The following VWA3B variants were observed in gnomAD, a reference collection of about 807,000 sequenced individuals.
VWA3B encodes the protein von Willebrand factor A domain containing 3B.
A neutral mutation model predicts 158.3 loss-of-function variants in VWA3B; 138 were observed. The ratio of observed to expected loss-of-function variants is 0.87; its 90% confidence interval spans 0.76 to 1.00. The LOEUF (loss-of-function observed/expected upper bound fraction) is 1.00, where lower values mean the gene tolerates loss of function less well. Among genes scored for constraint, VWA3B ranks in the 50% least tolerant of loss-of-function variants. The probability of loss-of-function intolerance (pLI) is 0.00; values close to 1 mark genes in which losing one functional copy is unlikely to be tolerated. For missense variants in VWA3B, 1,555 were observed against 1,565.1 expected, an observed-to-expected ratio of 0.99 and a Z score of 0.11; for synonymous variants, 596 against 587.3, an observed-to-expected ratio of 1.01 and a Z score of -0.21.
intron 26 of VWA3B, among the ~76,000 whole-genome samples, chr2:98,308,772 C>T (rs946690480): frequency 5.9e-5 from 9 of 152,246 alleles, no homozygotes; most frequent in African/African-American, 2.2e-4. Flanking sequence ...ATACACACAC[C>T]TGGTGCCACT....
intron 1 of VWA3B, among the ~76,000 whole-genome samples, chr2:98,091,682 T>A (rs1682302645): frequency 6.6e-6 from 1 of 152,240 alleles, no homozygotes; most frequent in South Asian, 2.1e-4. Flanking sequence ...TTATAAAACC[T>A]CCCTGACTTG....
chr2:98,280,350 AAG>A (rs139325892), intron 22 of VWA3B, among the ~76,000 whole-genome samples: 5,904 of 152,212 alleles, frequency 0.039, 167 homozygotes, highest in Middle Eastern at 0.075. Context: ...AAAGAAAAGA[AAG>A]AGAGAGAGAG....
intron 14 of VWA3B, among the ~76,000 whole-genome samples, chr2:98,227,703 G>A (rs534506857): frequency 6.6e-6 from 1 of 152,338 alleles, no homozygotes; most frequent in African/African-American, 2.4e-5. Flanking sequence ...CTAATGTGTA[G>A]TGACAGAAAG....
chr2:98,124,818 C>T (rs984965181), intron 5 of VWA3B, among the ~76,000 whole-genome samples: 1 of 152,188 alleles, frequency 6.6e-6, no homozygotes, highest in East Asian at 1.9e-4. Context: ...TTTCTTCCCC[C>T]AAAAGCTGCA....
intron 7 of VWA3B, among the ~76,000 whole-genome samples, chr2:98,147,511 A>G (rs767707074): frequency 6.6e-6 from 1 of 152,244 alleles, no homozygotes; most frequent in Non-Finnish European, 1.5e-5. Context: ...TCTACTTAAT[A>G]TAGAATCAAG....
intron 8 of VWA3B, among the ~76,000 whole-genome samples, chr2:98,172,306 C>T (rs1483678908): frequency 3.3e-5 from 5 of 152,176 alleles, no homozygotes; most frequent in Admixed American, 1.3e-4. Flanking sequence ...CCTGGGCTCT[C>T]CTCTGACTGC....
chr2:98,304,105 G>T (rs1451170196), intron 26 of VWA3B, among the ~76,000 whole-genome samples: 1 of 152,188 alleles, frequency 6.6e-6, no homozygotes, highest in Non-Finnish European at 1.5e-5. Flanking sequence ...TTCTAATTAA[G>T]TTGCATTTGG....
the VWA3B span, among the ~76,000 whole-genome samples, chr2:98,326,908 T>A: frequency 6.6e-6 from 1 of 151,740 alleles, no homozygotes; most frequent in Non-Finnish European, 1.5e-5. Flanking sequence ...CCTGAAGCTT[T>A]GAGAAGAAGG....
intron 12 of VWA3B, among the ~76,000 whole-genome samples, chr2:98,202,909 T>C (rs541690775): frequency 1.3e-5 from 2 of 152,288 alleles, no homozygotes; most frequent in Admixed American, 1.3e-4. Flanking sequence ...CTCGGCTCAC[T>C]GCAACCTCCA....
chr2:98,123,297 C>T (rs920443854), intron 5 of VWA3B, among the ~76,000 whole-genome samples: 1 of 152,232 alleles, frequency 6.6e-6, no homozygotes, highest in African/African-American at 2.4e-5. Flanking sequence ...CATCTCCCTC[C>T]ATGAGCGGGT....
At chr2:98,179,545 G>T (rs1160497534) in intron 8 of VWA3B, among the ~76,000 whole-genome samples, 1 of 152,116 alleles carries the variant, frequency 6.6e-6, no homozygotes, top group African/African-American at 2.4e-5. Context: ...TTCAGGGGAG[G>T]CAGCCTCCTA....
At chr2:98,248,098 A>AT (rs1424064567) in intron 19 of VWA3B, among the ~76,000 whole-genome samples, 2 of 151,722 alleles carry the variant, frequency 1.3e-5, no homozygotes, top group Non-Finnish European at 2.9e-5. Flanking sequence ...TCCAAGATAA[A>AT]TTTTTTTCTG....
intron 10 of VWA3B, among the ~76,000 whole-genome samples, chr2:98,192,684 T>C: frequency 6.6e-6 from 1 of 152,216 alleles, no homozygotes; most frequent in Admixed American, 6.5e-5. Flanking sequence ...CTTAGTTTTG[T>C]TTTACTTGGC....
chr2:98,306,803 T>C (rs1690549548), intron 26 of VWA3B, among the ~76,000 whole-genome samples: 1 of 152,220 alleles, frequency 6.6e-6, no homozygotes, highest in Admixed American at 6.5e-5. Flanking sequence ...TACCCTTGCT[T>C]CTGGGCTTCA....
At position 98,109,788 on chromosome 2, in the gene VWA3B, A is replaced by C. The variant is rs1349025364; in HGVS notation, c.197-5864A>C. 2.7e-5 allele frequency among the ~76,000 whole-genome samples: 4 copies of C among 148,042 alleles called. No individual in the cohort carries two copies. In the East Asian group the frequency reaches 7.9e-4, roughly 29 times the overall value. ...ACCAGATGTAAGATTTAGGGTTGAT[A>C]GTTCTTTTTTTTTTTTTTTAGCACT... On this transcript the variant is annotated intron_variant, in intron 2 of 27. Coordinates refer to ENST00000477737, the MANE Select transcript of VWA3B (RefSeq NM_144992.5).
the VWA3B span, among the ~76,000 whole-genome samples, chr2:98,327,950 C>A: frequency 3.3e-5 from 5 of 152,188 alleles, no homozygotes; most frequent in Non-Finnish European, 7.3e-5. Context: ...ACCACTGCTG[C>A]CCTTCAGGGG....
chr2:98,119,934 T>C (rs1334413276), intron 4 of VWA3B, among the ~76,000 whole-genome samples, 171 bp downstream of exon 4: 1 of 152,246 alleles, frequency 6.6e-6, no homozygotes, highest in Non-Finnish European at 1.5e-5. Flanking sequence ...GAATAAATCT[T>C]AGGAACTTTT....
At chr2:98,236,821 G>A in intron 19 of VWA3B, 91 bp downstream of exon 19, 2 of 1,496,794 alleles carry the variant, frequency 1.3e-6, no homozygotes, top group Non-Finnish European at 1.8e-6. Context: ...GGTTGTAACA[G>A]AAATGTATTT....
rs1038111177 is a variant in VWA3B at position 98,272,578 on chromosome 2, G to A, written c.3045+1695G>A. 3.3e-5 allele frequency among the ~76,000 whole-genome samples: 5 copies of A among 152,178 alleles called. No homozygotes were observed. The South Asian group carries it at 6.2e-4, about 19-fold the overall frequency. ...CCCCTCCTGGAGGTTGGGGGTTGGC[G>A]CTGAAAGTCTTAACTCTCTAATCCT... On this transcript the variant is annotated intron_variant, in intron 22 of 27. Transcript: ENST00000477737.
Sources: gnomAD v4.1 joint callset for allele counts (sites outside exome capture counted in the v4.1 genomes callset) on GRCh38, gnomAD v4.1.1 for gene constraint, MANE v1.5 for transcripts, NCBI Gene and HGNC (gene_info 2026-07-23, HGNC 2026-07-21) for gene names.